TBC1D1: variants seen among roughly 807,000 people sequenced by gnomAD.
TBC1D1 encodes the protein TBC1 domain family member 1.
Under a neutral mutation model 125.6 loss-of-function variants are expected in TBC1D1, and 89 were observed. The observed-to-expected ratio is 0.71, with a 90% confidence interval of 0.60 to 0.85. The LOEUF (loss-of-function observed/expected upper bound fraction) is 0.85, where lower values mean the gene tolerates loss of function less well. Among genes scored for constraint, TBC1D1 ranks in the 40% least tolerant of loss-of-function variants. The pLI is 0.00. For missense variants in TBC1D1, 1,377 were observed against 1,469.2 expected, an observed-to-expected ratio of 0.94 and a Z score of 1.03; for synonymous variants, 565 against 564.1, an observed-to-expected ratio of 1.00 and a Z score of -0.02.
chr4:38,058,045 G>A (rs190480044), intron 12 of TBC1D1, among the ~76,000 whole-genome samples: 35 of 152,332 alleles, frequency 2.3e-4, no homozygotes. Context: ...CTCCCTGTTG[G>A]CCAGACACCA....
intron 6 of TBC1D1, 132 bp downstream of exon 6, chr4:38,021,850 C>A: frequency 9.5e-7 from 1 of 1,050,002 alleles, no homozygotes; most frequent in Non-Finnish European, 1.3e-6. Flanking sequence ...TGTAGGTGGA[C>A]TCTCAGTGTG....
At chr4:37,955,453 C>G (rs934062683) in intron 2 of TBC1D1, among the ~76,000 whole-genome samples, 9 of 152,212 alleles carry the variant, frequency 5.9e-5, no homozygotes. Context: ...TGCCCACCCT[C>G]CTATATACTT....
At chr4:38,134,861 C>A (rs574700064) in intron 19 of TBC1D1, among the ~76,000 whole-genome samples, 12 of 152,138 alleles carry the variant, frequency 7.9e-5, no homozygotes, top group Non-Finnish European at 1.6e-4. Flanking sequence ...TTCTCTTGAC[C>A]AAGTAGTCCT....
chr4:37,902,209 C>A lies in TBC1D1; in HGVS notation c.114C>A (p.Pro38=). The A allele has an allele frequency of 1.9e-6, 3 of 1,614,106 alleles. No homozygotes were observed. Among genetic ancestry groups the A allele is most frequent in the Non-Finnish European group, 2.5e-6 (3 of 1,180,026 alleles). Residue 38 remains proline (P), a synonymous_variant, in exon 2 of 20, where the codon CCC becomes CCA. Transcript: ENST00000261439. The stretch of plus-strand genomic sequence containing the variant: ...CTGTGCATTCCCTGACCACCATGCC[C>A]ATGCTGCCCTGGGTTGTGGCTGAGG...
intron 2 of TBC1D1, among the ~76,000 whole-genome samples, chr4:37,984,775 A>G (rs1422583166): frequency 6.6e-6 from 1 of 151,250 alleles, no homozygotes; most frequent in Non-Finnish European, 1.5e-5. Context: ...CCTGGGAGGC[A>G]GAGGTTGTAG....
chr4:38,012,925 C>T (rs1274818218), intron 2 of TBC1D1, among the ~76,000 whole-genome samples: 2 of 152,162 alleles, frequency 1.3e-5, no homozygotes, highest in Non-Finnish European at 2.9e-5. Flanking sequence ...TCCCAAGTAG[C>T]TGGGATTACA....
intron 8 of TBC1D1, among the ~76,000 whole-genome samples, chr4:38,037,988 C>T (rs1747550530): frequency 1.3e-5 from 2 of 152,222 alleles, no homozygotes; most frequent in South Asian, 4.1e-4. Context: ...AGTATGAAAT[C>T]AGCTGCCACT....
chr4:38,090,217 C>A, intron 13 of TBC1D1, 100 bp downstream of exon 15: 1 of 1,141,212 alleles, frequency 8.8e-7, no homozygotes, highest in Non-Finnish European at 1.3e-6. Flanking sequence ...TACAGCAGCA[C>A]GATAGTCTAA....
chr4:38,126,584 A>T (rs900214416), intron 18 of TBC1D1, among the ~76,000 whole-genome samples: 1 of 152,202 alleles, frequency 6.6e-6, no homozygotes, highest in East Asian at 1.9e-4. Context: ...ATGAAAGAAC[A>T]GTTCTTGTCT....
chr4:38,000,504 G>A (rs200122524), intron 2 of TBC1D1, among the ~76,000 whole-genome samples: 20 of 152,194 alleles, frequency 1.3e-4, no homozygotes, highest in African/African-American at 4.8e-4. Flanking sequence ...TGAGTGTCAT[G>A]TCGGTGCTCA....
chr4:37,947,302 G>A (rs180930525), intron 2 of TBC1D1, among the ~76,000 whole-genome samples: 375 of 152,086 alleles, frequency 2.5e-3, no homozygotes, highest in African/African-American at 8.2e-3. Context: ...GACTACAGGC[G>A]TGCGCCACCA....
At chr4:38,035,463 C>G (rs1747024096) in intron 7 of TBC1D1, 125 bp from the exon 8 acceptor site, 1 of 698,458 alleles carries the variant, frequency 1.4e-6, no homozygotes, top group African/African-American at 1.8e-5. Flanking sequence ...CATTGGTGCC[C>G]CCTGGTGAGA....
intron 6 of TBC1D1, among the ~76,000 whole-genome samples, chr4:38,023,448 C>T (rs1424084865): frequency 6.6e-6 from 1 of 152,162 alleles, no homozygotes; most frequent in African/African-American, 2.4e-5. Context: ...CCAGCATCTC[C>T]AGAACTTTTT....
chr4:37,916,131 A>G (rs1202698480), intron 2 of TBC1D1, among the ~76,000 whole-genome samples: 3 of 152,234 alleles, frequency 2.0e-5, no homozygotes, highest in Admixed American at 6.5e-5. Flanking sequence ...AAATGCATTC[A>G]TACAAAAGAG....
At chr4:38,064,186 T>C (rs1753272753) in intron 12 of TBC1D1, among the ~76,000 whole-genome samples, 1 of 152,236 alleles carries the variant, frequency 6.6e-6, no homozygotes, top group Non-Finnish European at 1.5e-5. Flanking sequence ...TAATGACTTA[T>C]TAATATTCCG....
chr4:37,909,854 C>T (rs1250505730), intron 2 of TBC1D1, among the ~76,000 whole-genome samples: 1 of 152,116 alleles, frequency 6.6e-6, no homozygotes, highest in Non-Finnish European at 1.5e-5. Flanking sequence ...TGACTCAGTG[C>T]AGTGTATCCA....
intron 12 of TBC1D1, among the ~76,000 whole-genome samples, chr4:38,065,470 G>A (rs1466252781): frequency 6.6e-6 from 1 of 152,190 alleles, no homozygotes; most frequent in African/African-American, 2.4e-5. Flanking sequence ...ACAGCACATT[G>A]AAAATTAGAA....
At chr4:37,950,578 C>T (rs956777313) in intron 2 of TBC1D1, among the ~76,000 whole-genome samples, 29 of 144,172 alleles carry the variant, frequency 2.0e-4, no homozygotes, top group African/African-American at 6.9e-4. Flanking sequence ...CCTCCCCTCC[C>T]GCCCCCTACA....
intron 2 of TBC1D1, among the ~76,000 whole-genome samples, chr4:37,910,515 AT>A (rs1718359180): frequency 6.6e-6 from 1 of 152,184 alleles, no homozygotes; most frequent in Non-Finnish European, 1.5e-5. Context: ...TACTTATTTC[AT>A]TTTTACCTTT....
Sources: gnomAD v4.1 joint callset for allele counts (sites outside exome capture counted in the v4.1 genomes callset) on GRCh38, gnomAD v4.1.1 for gene constraint, MANE v1.5 for transcripts, NCBI Gene and HGNC (gene_info 2026-07-23, HGNC 2026-07-21) for gene names.